Variants in CHD7 observed in about 807,000 individuals in gnomAD.
CHD7 encodes chromodomain helicase DNA binding protein 7.
CHD7 carries 24 observed loss-of-function variants against 307.3 expected under a neutral mutation model. That is an observed-to-expected ratio of 0.08 (90% CI 0.06 to 0.11). CHD7 has a LOEUF of 0.11. CHD7 is among the 10% of genes least tolerant of loss of function. CHD7 has a pLI of 1.00. For missense variants in CHD7, 3,106 were observed against 3,727.1 expected (o/e 0.83, Z 4.34); for synonymous variants, 1,363 against 1,349.9 (o/e 1.01, Z -0.21).
chr8:60,819,582 T>C (rs772302060), intron 8 of CHD7, among the ~76,000 whole-genome samples: 14 of 152,242 alleles, frequency 9.2e-5, no homozygotes, highest in Non-Finnish European at 1.8e-4. Flanking sequence ...TTTGTAGATA[T>C]GCTATAAGGC....
chr8:60,733,474 G>T (rs543094649), intron 1 of CHD7, among the ~76,000 whole-genome samples: 10 of 152,308 alleles, frequency 6.6e-5, no homozygotes, highest in Non-Finnish European at 1.5e-4. Flanking sequence ...GCGGCAGCAG[G>T]TCAGCTGTCT....
At position 60,848,497 on chromosome 8, in the gene CHD7, C is replaced by G. The variant is rs749368541; in HGVS notation, c.5211-18C>G. On this transcript the variant is annotated intron_variant, in intron 23 of 37. Transcript: ENST00000423902. ...CCTGAAGTTAAGAACTTTTTCCCCC[C>G]TCTGTCTTCCTCTCCAGGGTCCTGC... is the stretch of plus-strand genomic sequence containing the variant. 9.4e-6 allele frequency: 15 copies of G among 1,597,778 alleles called. No homozygotes were observed. The highest frequency in any genetic ancestry group is 1.3e-5 in the Non-Finnish European group (15 of 1,168,868).
Position 60,713,787 on chromosome 8 carries a change from T to G in CHD7, c.-174-27472T>G, listed in dbSNP as rs537336564. ...AAAACGCATCCCACTGGGATCTAAGTGACCTTTCCCACAAGACCAGGTCTT... is the reference window on the plus strand; with the variant it reads ...AAAACGCATCCCACTGGGATCTAAGGGACCTTTCCCACAAGACCAGGTCTT... On this transcript the variant is annotated intron_variant, in intron 1 of 37. Transcript: ENST00000423902. Among the ~76,000 whole-genome samples, 4 of 152,238 alleles carry G rather than the reference T, an allele frequency of 2.6e-5. No homozygotes were observed. In the East Asian group the frequency reaches 7.7e-4, roughly 29 times the overall value.
At chr8:60,690,548 T>C (rs1362399437) in intron 1 of CHD7, among the ~76,000 whole-genome samples, 1 of 152,222 alleles carries the variant, frequency 6.6e-6, no homozygotes, top group Non-Finnish European at 1.5e-5. Flanking sequence ...ACTTTGTGGC[T>C]ACTCTGGGGT....
intron 1 of CHD7, among the ~76,000 whole-genome samples, chr8:60,729,243 C>T (rs1401680770): frequency 6.7e-6 from 1 of 148,448 alleles, no homozygotes; most frequent in Non-Finnish European, 1.5e-5. Flanking sequence ...GACAGGTGCC[C>T]AGCCAAAGCA....
At chr8:60,710,787 G>A (rs1807249126) in intron 1 of CHD7, among the ~76,000 whole-genome samples, 1 of 152,200 alleles carries the variant, frequency 6.6e-6, no homozygotes, top group African/African-American at 2.4e-5. Context: ...CAATGGCGAT[G>A]CATGGCTGTG....
At chr8:60,767,344 A>G (rs1270227827) in intron 2 of CHD7, among the ~76,000 whole-genome samples, 9 of 152,202 alleles carry the variant, frequency 5.9e-5, no homozygotes, top group Non-Finnish European at 8.8e-5. Context: ...AGGTAGAAGG[A>G]TGTGCAGCAG....
intron 15 of CHD7, among the ~76,000 whole-genome samples, chr8:60,832,009 T>TA (rs1342593520): frequency 6.6e-6 from 1 of 151,964 alleles, no homozygotes. Context: ...GAATTTCTTT[T>TA]TTATATATAT....
At chr8:60,790,884 C>T (rs1811744508) in intron 3 of CHD7, among the ~76,000 whole-genome samples, 1 of 152,120 alleles carries the variant, frequency 6.6e-6, no homozygotes, top group East Asian at 1.9e-4. Context: ...GAGATCATGT[C>T]TGATCTAGAC....
chr8:60,817,566 C>CT (rs1395094954), intron 8 of CHD7, among the ~76,000 whole-genome samples: 5 of 152,148 alleles, frequency 3.3e-5, no homozygotes, highest in Non-Finnish European at 7.3e-5. Flanking sequence ...CCCTGGCACT[C>CT]TGAGTGTGCA....
At chr8:60,759,313 C>T (rs112540320) in intron 2 of CHD7, among the ~76,000 whole-genome samples, 16 of 152,234 alleles carry the variant, frequency 1.1e-4, no homozygotes, top group Middle Eastern at 3.4e-3. Context: ...GAGAAGGCAG[C>T]GAATGGATTG....
At chr8:60,783,833 C>T (rs1051939997) in intron 3 of CHD7, among the ~76,000 whole-genome samples, 9 of 152,108 alleles carry the variant, frequency 5.9e-5, no homozygotes, top group African/African-American at 2.2e-4. Flanking sequence ...CACTTGACCA[C>T]TTATAGGGCC....
chr8:60,701,808 C>T (rs369033764), intron 1 of CHD7, among the ~76,000 whole-genome samples: 81 of 152,248 alleles, frequency 5.3e-4, no homozygotes, highest in Non-Finnish European at 8.8e-4. Flanking sequence ...TTATCCTGCA[C>T]TTTTTTTGGG....
chr8:60,770,405 C>T (rs976169499), intron 2 of CHD7, among the ~76,000 whole-genome samples: 2 of 152,086 alleles, frequency 1.3e-5, no homozygotes, highest in Admixed American at 6.5e-5. Flanking sequence ...TTTATTATTG[C>T]GTTATTAGTT....
intron 2 of CHD7, among the ~76,000 whole-genome samples, chr8:60,766,857 G>A (rs1298002712): frequency 2.0e-5 from 3 of 152,274 alleles, no homozygotes; most frequent in South Asian, 2.1e-4. Context: ...AAGTGGTGTG[G>A]ACTGGAGAAA....
At chr8:60,810,992 G>A (rs755906045) in intron 7 of CHD7, among the ~76,000 whole-genome samples, 4 of 152,138 alleles carry the variant, frequency 2.6e-5, no homozygotes, top group Non-Finnish European at 4.4e-5. Flanking sequence ...CTGTGCATGC[G>A]AAGGATCTAG....
In CHD7 at chr8:60,742,978, C is replaced by G; in HGVS notation, c.1546C>G (p.Pro516Ala). The G allele has an allele frequency of 6.2e-7, 1 of 1,613,792 alleles. No homozygotes were observed. The highest frequency in any genetic ancestry group is 8.5e-7 in the Non-Finnish European group (1 of 1,179,806). ...PSFQQLPTCP[P>A]LQPHPGLHHQ... is the part of the protein sequence containing the mutation. ...TTTTCAGCAGTTGCCAACCTGTCCT[C>G]CACTGCAGCCTCACCCGGGCTTGCA... is the stretch of plus-strand genomic sequence containing the variant. Residue 516 changes from proline (P) to alanine (A), a missense_variant, in exon 2 of 38, where the codon CCA becomes GCA. By Grantham distance (27) the Pro-to-Ala change is conservative. Around this residue, in one of 10 missense-constraint regions of CHD7, gnomAD observed 998 missense variants for 1,004.5 expected, o/e 0.99. Transcript: ENST00000423902.
At chr8:60,748,293 A>C (rs1809432919) in intron 2 of CHD7, among the ~76,000 whole-genome samples, 1 of 152,164 alleles carries the variant, frequency 6.6e-6, no homozygotes, top group Admixed American at 6.5e-5. Flanking sequence ...TAAAGGAGGG[A>C]AAAGAGTTTA....
chr8:60,834,046 T>G (rs1216215885), intron 15 of CHD7, among the ~76,000 whole-genome samples: 2 of 152,216 alleles, frequency 1.3e-5, no homozygotes, highest in Non-Finnish European at 2.9e-5. Flanking sequence ...GTAGCTTTTG[T>G]CAGGTAAGAA....
Sources: allele counts gnomAD v4.1 joint callset (sites outside exome capture counted in the v4.1 genomes callset), GRCh38; gene constraint gnomAD v4.1.1; regional missense constraint gnomAD v4.1.1; transcripts MANE v1.5; gene names NCBI Gene and HGNC (gene_info 2026-07-23, HGNC 2026-07-21).